The following ZBTB7C variants were observed in gnomAD, a reference collection of about 807,000 sequenced individuals.
ZBTB7C encodes zinc finger and BTB domain-containing protein 7C.
ZBTB7C carries 8 observed loss-of-function variants against 25.7 expected under a neutral mutation model. The ratio of observed to expected loss-of-function variants is 0.31; its 90% CI spans 0.18 to 0.56. The LOEUF (loss-of-function observed/expected upper bound fraction) is 0.56, where lower values mean the gene tolerates loss of function less well. Ranked by LOEUF, ZBTB7C falls within the 20% of genes least tolerant of loss-of-function variation. The pLI is 0.91. For synonymous variants in ZBTB7C, 394 were observed against 369.0 expected (o/e 1.07, Z -0.78); for missense variants, 824 against 855.2 (o/e 0.96, Z 0.46).
intron 1 of ZBTB7C, among the ~76,000 whole-genome samples, chr18:48,383,640 T>A (rs2047681600): frequency 6.6e-6 from 1 of 152,162 alleles, no homozygotes; most frequent in Non-Finnish European, 1.5e-5. Context: ...TTTTCATACT[T>A]TTTGATGTTT....
chr18:48,119,339 C>T (rs1238774068), intron 3 of ZBTB7C, among the ~76,000 whole-genome samples: 2 of 152,260 alleles, frequency 1.3e-5, no homozygotes, highest in East Asian at 3.8e-4. Context: ...GGAGCCAGAA[C>T]ATCAAGCCAG....
intron 3 of ZBTB7C, among the ~76,000 whole-genome samples, chr18:48,182,979 A>T (rs1302439713): frequency 6.6e-6 from 1 of 152,172 alleles, no homozygotes; most frequent in Non-Finnish European, 1.5e-5. Context: ...TTTAAATAAT[A>T]ATTATTATTT....
chr18:48,348,724 G>A (rs924238539), intron 1 of ZBTB7C, among the ~76,000 whole-genome samples: 3 of 152,250 alleles, frequency 2.0e-5, no homozygotes, highest in African/African-American at 7.2e-5. Flanking sequence ...GGCTGAGGCA[G>A]GAGAATAGCT....
intron 3 of ZBTB7C, among the ~76,000 whole-genome samples, chr18:48,152,755 C>G (rs2040717991): frequency 6.6e-6 from 1 of 152,234 alleles, no homozygotes; most frequent in Non-Finnish European, 1.5e-5. Flanking sequence ...AGAGCTGTCT[C>G]TTGCATAAGA....
intron 2 of ZBTB7C, among the ~76,000 whole-genome samples, chr18:48,290,863 T>C (rs571601279): frequency 9.9e-5 from 15 of 152,248 alleles, no homozygotes; most frequent in Non-Finnish European, 1.9e-4. Context: ...AGGTGTTATG[T>C]GCTGCGGAGA....
intron 2 of ZBTB7C, among the ~76,000 whole-genome samples, chr18:48,276,895 G>T (rs1362585735): frequency 8.3e-6 from 1 of 120,718 alleles, no homozygotes; most frequent in Non-Finnish European, 1.7e-5. Context: ...CACAATGGTT[G>T]AACTAGTTTA....
chr18:48,139,853 T>A (rs947612876), intron 3 of ZBTB7C, among the ~76,000 whole-genome samples: 2 of 151,964 alleles, frequency 1.3e-5, no homozygotes, highest in African/African-American at 2.4e-5. Flanking sequence ...CAGATCTGAG[T>A]GTGCATTTCC....
chr18:48,279,064 C>T (rs978318181), intron 2 of ZBTB7C, among the ~76,000 whole-genome samples: 2 of 152,048 alleles, frequency 1.3e-5, no homozygotes, highest in Admixed American at 6.6e-5. Flanking sequence ...CACACTGTCA[C>T]ACCTTTGTCA....
intron 2 of ZBTB7C, among the ~76,000 whole-genome samples, chr18:48,331,628 G>A (rs962303488): frequency 1.3e-5 from 2 of 152,150 alleles, no homozygotes; most frequent in African/African-American, 4.8e-5. Flanking sequence ...AAATCTCTTT[G>A]GCTTAGTTCA....
At position 48,040,604 on chromosome 18, in the gene ZBTB7C, C is replaced by T. The variant is rs146365799; in HGVS notation, c.504G>A (p.Thr168=). The change falls in exon 4 of 5, where the codon ACG becomes ACA. Residue 168 remains threonine, a synonymous_variant. Transcript: ENST00000590800. ...AGTTTTCTTGGTCAGCAAAGTCCTC[C>T]GTGTCATCATCGTCATCCTCCTCCT... ...EEEEEDDDDD[T]EDFADQENLP... The T allele has an allele frequency of 3.2e-5, 51 of 1,613,778 alleles. No individual in the cohort carries two copies. Among genetic ancestry groups the T allele is most frequent in the African/African-American group, 1.5e-4 (11 of 74,992 alleles).
intron 3 of ZBTB7C, among the ~76,000 whole-genome samples, chr18:48,178,532 AACCTTTTGTTAT>A: frequency 6.6e-6 from 1 of 152,132 alleles, no homozygotes; most frequent in East Asian, 1.9e-4. Context: ...TTTTGGTTTA[AACCTTTTGTTAT>A]GATCTCTTTA....
At chr18:48,138,059 C>T (rs993906966) in intron 3 of ZBTB7C, among the ~76,000 whole-genome samples, 4 of 152,232 alleles carry the variant, frequency 2.6e-5, no homozygotes, top group Admixed American at 6.5e-5. Context: ...ATGGGGGAAG[C>T]GCCAGGGGAG....
intron 3 of ZBTB7C, among the ~76,000 whole-genome samples, chr18:48,107,441 G>A (rs1355551109): frequency 6.6e-6 from 1 of 151,472 alleles, no homozygotes; most frequent in Non-Finnish European, 1.5e-5. Flanking sequence ...GAGGGAGGAG[G>A]GCTGGGACCA....
intron 3 of ZBTB7C, among the ~76,000 whole-genome samples, chr18:48,089,230 AG>A (rs1005004533): frequency 6.6e-6 from 1 of 152,060 alleles, no homozygotes; most frequent in African/African-American, 2.4e-5. Context: ...GCACTTTGGG[AG>A]GCTGAGGCGG....
At position 48,029,927 on chromosome 18, in the gene ZBTB7C, TG is replaced by T; in HGVS notation, c.1209-17del. ...CTTGTCCTGCCTGCAATGCAGAGAC[TG>T]GGGGTCAGTCCCGCAGGGAACACCA... On this transcript the variant is annotated splice_polypyrimidine_tract_variant and intron_variant, in intron 4 of 4. Transcript: ENST00000590800. 4 of 1,609,620 alleles carry T rather than the reference TG, an allele frequency of 2.5e-6. No homozygotes were observed.
At chr18:48,074,545 C>T (rs370699804) in intron 3 of ZBTB7C, among the ~76,000 whole-genome samples, 71 of 152,356 alleles carry the variant, frequency 4.7e-4, no homozygotes, top group African/African-American at 1.6e-3. Context: ...AGCTCAGAAC[C>T]GCACAGCCCT....
intron 3 of ZBTB7C, among the ~76,000 whole-genome samples, chr18:48,116,181 C>T (rs1297480498): frequency 1.3e-5 from 2 of 152,086 alleles, no homozygotes; most frequent in Non-Finnish European, 2.9e-5. Flanking sequence ...TATGTCCCTG[C>T]CAGTGGGAGA....
intron 3 of ZBTB7C, among the ~76,000 whole-genome samples, chr18:48,094,002 T>A (rs1167707622): frequency 6.6e-6 from 1 of 152,114 alleles, no homozygotes; most frequent in Non-Finnish European, 1.5e-5. Context: ...GAGCTTGCAG[T>A]GAGCTGAGAT....
At chr18:48,191,974 C>A (rs909798739) in intron 2 of ZBTB7C, among the ~76,000 whole-genome samples, 2 of 152,208 alleles carry the variant, frequency 1.3e-5, no homozygotes, top group Non-Finnish European at 2.9e-5. Flanking sequence ...AAACTTATAT[C>A]CCCACAAAAA....
Sources: gnomAD v4.1 joint callset for allele counts (sites outside exome capture counted in the v4.1 genomes callset) on GRCh38, gnomAD v4.1.1 for gene constraint, MANE v1.5 for transcripts, NCBI Gene and HGNC (gene_info 2026-07-23, HGNC 2026-07-21) for gene names.